The following GRIK2 variants were observed in gnomAD, a reference collection of about 807,000 sequenced individuals.
The protein encoded by GRIK2 is glutamate receptor ionotropic, kainate 2.
GRIK2 carries 32 observed loss-of-function variants against 100.3 expected under a neutral mutation model. That is an observed-to-expected ratio of 0.32 (90% CI 0.24 to 0.43). GRIK2 has a LOEUF of 0.43. Among genes scored for constraint, GRIK2 ranks in the 20% least tolerant of loss-of-function variants. The probability of loss-of-function intolerance (pLI) is 1.00; values close to 1 mark genes in which losing one functional copy is unlikely to be tolerated. For synonymous variants in GRIK2, 417 were observed against 389.4 expected, an observed-to-expected ratio of 1.07 and a Z score of -0.83; for missense variants, 843 against 1,114.9, an observed-to-expected ratio of 0.76 and a Z score of 3.47.
chr6:101,686,782 C>G (rs889479261), intron 7 of GRIK2, among the ~76,000 whole-genome samples: 1 of 152,070 alleles, frequency 6.6e-6, no homozygotes, highest in African/African-American at 2.4e-5. Flanking sequence ...ACAAAATTCT[C>G]GCATGAGCTT....
chr6:101,863,684 G>A (rs1252172266), intron 11 of GRIK2, among the ~76,000 whole-genome samples: 2 of 152,170 alleles, frequency 1.3e-5, no homozygotes, highest in African/African-American at 4.8e-5. Context: ...ACATTCAACA[G>A]ATCTACAGTT....
intron 14 of GRIK2, among the ~76,000 whole-genome samples, chr6:102,025,848 T>C (rs933391169): frequency 6.6e-6 from 1 of 151,010 alleles, no homozygotes; most frequent in African/African-American, 2.4e-5. Context: ...GATCAAATGA[T>C]TGAATGAATA....
intron 11 of GRIK2, among the ~76,000 whole-genome samples, chr6:101,878,202 A>G (rs147028262): frequency 1.3e-4 from 20 of 150,736 alleles, no homozygotes; most frequent in African/African-American, 4.8e-4. Flanking sequence ...AATTTCTGAT[A>G]TAAATGAAAA....
intron 7 of GRIK2, among the ~76,000 whole-genome samples, chr6:101,740,620 G>A (rs1346783156): frequency 6.6e-6 from 1 of 152,152 alleles, no homozygotes; most frequent in East Asian, 1.9e-4. Flanking sequence ...GAATACCTTA[G>A]GCTAGGTAAT....
Position 101,802,312 on chromosome 6 carries a change from T to C in GRIK2, c.1096-19T>C. 9.6e-7 allele frequency: 1 copy of C among 1,040,056 alleles called. No individual in the cohort carries two copies. The highest frequency in any genetic ancestry group is 1.4e-6 in the Non-Finnish European group (1 of 704,548). 64.4% of individuals were successfully genotyped at this position (1,040,056 alleles called of 1,614,324 possible). The stretch of plus-strand genomic sequence containing the variant: ...TCTTTCTTCACTTATTTATTATCAA[T>C]GTTTTTCTATTCCCATAGGCACATT... On this transcript the variant is annotated intron_variant, in intron 8 of 16. Transcript: ENST00000369134.
intron 7 of GRIK2, among the ~76,000 whole-genome samples, chr6:101,692,067 A>AAAAAAAAAAAAAG (rs1772146800): frequency 3.4e-5 from 5 of 145,408 alleles, no homozygotes; most frequent in African/African-American, 1.3e-4. Context: ...AAAAAAAAAA[A>AAAAAAAAAAAAAG]GCAATGGAAA....
chr6:101,394,743 T>C (rs1338022163), intron 1 of GRIK2, among the ~76,000 whole-genome samples: 1 of 152,230 alleles, frequency 6.6e-6, no homozygotes, highest in East Asian at 1.9e-4. Context: ...AGTTCATTAC[T>C]TTCTAACTTT....
chr6:101,956,783 TAA>T lies in GRIK2; in HGVS notation c.2085+28154_2085+28155del, dbSNP rs939285457. ...GTGTATATATGTGTGTATATATATA[TAA>T]AATTTTCTTATATATATCAATAAAA... On this transcript the variant is annotated intron_variant, in intron 14 of 16. Transcript: ENST00000369134. 2.7e-3 allele frequency among the ~76,000 whole-genome samples: 346 copies of T among 126,538 alleles called. 1 individual carries two copies. The highest frequency in any genetic ancestry group is 8.6e-3 in the African/African-American group (288 of 33,670). The allele number at this position is 126,538 out of a possible 152,430, so 83.0% of individuals were successfully genotyped here.
chr6:101,886,573 G>T (rs1340988653), intron 11 of GRIK2, among the ~76,000 whole-genome samples: 1 of 151,284 alleles, frequency 6.6e-6, no homozygotes, highest in African/African-American at 2.4e-5. Context: ...ATGTAGCTGT[G>T]TTCTTTTAAT....
At chr6:101,495,094 T>C (rs969126675) in intron 2 of GRIK2, among the ~76,000 whole-genome samples, 2 of 150,920 alleles carry the variant, frequency 1.3e-5, no homozygotes, top group African/African-American at 2.4e-5. Context: ...TTCTCTATAG[T>C]ATATAAACTA....
intron 15 of GRIK2, among the ~76,000 whole-genome samples, chr6:102,047,821 C>A (rs1202456645): frequency 6.6e-6 from 1 of 151,916 alleles, no homozygotes; most frequent in East Asian, 1.9e-4. Flanking sequence ...CTCTCTTAAA[C>A]TTTCATTGTA....
At chr6:101,968,407 A>G (rs2128485061) in intron 14 of GRIK2, among the ~76,000 whole-genome samples, 1 of 152,074 alleles carries the variant, frequency 6.6e-6, no homozygotes, top group East Asian at 1.9e-4. Context: ...GCTATTAACA[A>G]GAATAATTTG....
intron 2 of GRIK2, among the ~76,000 whole-genome samples, chr6:101,603,466 A>T (rs1779312385): frequency 6.6e-6 from 1 of 151,636 alleles, no homozygotes; most frequent in South Asian, 2.1e-4. Context: ...ATGTGATGAG[A>T]AAGAAGAGTT....
chr6:101,713,413 A>G (rs1160862364), intron 7 of GRIK2, among the ~76,000 whole-genome samples: 1 of 151,810 alleles, frequency 6.6e-6, no homozygotes, highest in African/African-American at 2.4e-5. Flanking sequence ...GAAAGTCATT[A>G]TTTGTTTATG....
At chr6:101,543,716 G>A (rs1013704332) in intron 2 of GRIK2, among the ~76,000 whole-genome samples, 1 of 152,084 alleles carries the variant, frequency 6.6e-6, no homozygotes, top group African/African-American at 2.4e-5. Context: ...ATGTAACATG[G>A]GGATAATAGT....
At chr6:101,720,254 T>A (rs2128364794) in intron 7 of GRIK2, among the ~76,000 whole-genome samples, 1 of 152,118 alleles carries the variant, frequency 6.6e-6, no homozygotes, top group African/African-American at 2.4e-5. Context: ...AATGTGTTTG[T>A]CCGTTCAAAC....
chr6:101,785,119 A>G (rs1378672262), intron 7 of GRIK2, among the ~76,000 whole-genome samples: 1 of 151,968 alleles, frequency 6.6e-6, no homozygotes, highest in Admixed American at 6.6e-5. Context: ...GTCTGTTCAC[A>G]TCCTCTGCCC....
At chr6:101,733,707 T>C (rs1274530918) in intron 7 of GRIK2, among the ~76,000 whole-genome samples, 1 of 78,088 alleles carries the variant, frequency 1.3e-5, no homozygotes, top group Non-Finnish European at 2.5e-5. Flanking sequence ...AATTCCTCTT[T>C]CTTTTTTTTT....
chr6:101,602,947 A>C (rs1371529322), intron 2 of GRIK2, among the ~76,000 whole-genome samples: 1 of 151,686 alleles, frequency 6.6e-6, no homozygotes, highest in Non-Finnish European at 1.5e-5. Flanking sequence ...TATCATCTCT[A>C]TCTTCTCTAT....
Sources: gnomAD v4.1 joint callset for allele counts (sites outside exome capture counted in the v4.1 genomes callset) on GRCh38, gnomAD v4.1.1 for gene constraint, MANE v1.5 for transcripts, NCBI Gene and HGNC (gene_info 2026-07-23, HGNC 2026-07-21) for gene names.